Variants in TBC1D5 observed in about 807,000 individuals in gnomAD.
TBC1D5 encodes TBC1 domain family member 5.
Under a neutral mutation model 100.3 loss-of-function variants are expected in TBC1D5, and 75 were observed. The ratio of observed to expected loss-of-function variants is 0.75; its 90% CI spans 0.62 to 0.91. The LOEUF (loss-of-function observed/expected upper bound fraction) is 0.91. TBC1D5 is among the 40% of genes least tolerant of loss of function. The probability of loss-of-function intolerance (pLI) is 0.00; values close to 1 mark genes in which losing one functional copy is unlikely to be tolerated. For synonymous variants in TBC1D5, 323 were observed against 325.6 expected (o/e 0.99, Z 0.09); for missense variants, 910 against 942.4 (o/e 0.97, Z 0.45).
chr3:17,447,958 T>G (rs1178431889), intron 3 of TBC1D5, among the ~76,000 whole-genome samples: 1 of 152,204 alleles, frequency 6.6e-6, no homozygotes, highest in Non-Finnish European at 1.5e-5. Context: ...ACTGCTAAAT[T>G]ATCATTTTCT....
At chr3:17,343,000 T>G (rs1262019388) in intron 13 of TBC1D5, among the ~76,000 whole-genome samples, 1 of 152,122 alleles carries the variant, frequency 6.6e-6, no homozygotes, top group African/African-American at 2.4e-5. Flanking sequence ...CTTCCAACAC[T>G]ATGTTGAATA....
At chr3:17,393,118 G>GTTTTTTTTTTTTTT (rs34958195) in intron 8 of TBC1D5, among the ~76,000 whole-genome samples, 1 of 149,152 alleles carries the variant, frequency 6.7e-6, no homozygotes, top group African/African-American at 2.5e-5. Flanking sequence ...TGATGATGAG[G>GTTTTTTTTTTTTTT]TTTTTTTTTT....
At chr3:17,643,047 CTTT>C (rs36047631) in intron 1 of TBC1D5, among the ~76,000 whole-genome samples, 1 of 152,002 alleles carries the variant, frequency 6.6e-6, no homozygotes, top group Admixed American at 6.6e-5. Context: ...CCACTAATGA[CTTT>C]TTTTGATTCC....
At chr3:17,277,387 T>G (rs1437794262) in intron 15 of TBC1D5, among the ~76,000 whole-genome samples, 1 of 152,184 alleles carries the variant, frequency 6.6e-6, no homozygotes, top group Non-Finnish European at 1.5e-5. Flanking sequence ...TTCACATGGG[T>G]GGCACATAGT....
At chr3:17,563,805 C>G (rs552484126) in intron 2 of TBC1D5, among the ~76,000 whole-genome samples, 1 of 151,892 alleles carries the variant, frequency 6.6e-6, no homozygotes, top group African/African-American at 2.4e-5. Context: ...TTTTTTGAGA[C>G]GGAGTCTCCC....
At position 17,450,140 on chromosome 3, in the gene TBC1D5, G is replaced by T. The variant is rs375997685; in HGVS notation, c.98-21621C>A. Among the ~76,000 whole-genome samples the T allele has an allele frequency of 3.6e-3, 548 of 152,268 alleles. 4 individuals are homozygous for T. Among genetic ancestry groups the T allele is most frequent in the South Asian group, 0.027 (130 of 4,824 alleles). On this transcript the variant is annotated intron_variant, in intron 3 of 21. Coordinates refer to ENST00000253692, the Ensembl canonical transcript of TBC1D5. ...ACTCCAGCAGAATTGCAGAAGAGGG[G>T]CCTGACTGTTAGAAAGTAAACTAAC...
chr3:17,168,941 C>T lies in TBC1D5; in HGVS notation c.1853-1113G>A, dbSNP rs140025611. ...ACCACTCCTCACTTGCTCAATGCCCCGCATCGGCAGAGGCAGAACCAGTGC... is the reference window on the plus strand; with the variant it reads ...ACCACTCCTCACTTGCTCAATGCCCTGCATCGGCAGAGGCAGAACCAGTGC... On this transcript the variant is annotated intron_variant, in intron 19 of 21. Coordinates refer to ENST00000253692, the Ensembl canonical transcript of TBC1D5. Among the ~76,000 whole-genome samples, 720 of 152,288 alleles carry T rather than the reference C, an allele frequency of 4.7e-3. 5 individuals are homozygous for T. Among genetic ancestry groups the T allele is most frequent in the African/African-American group, 0.016 (672 of 41,554 alleles).
intron 3 of TBC1D5, among the ~76,000 whole-genome samples, chr3:17,438,435 G>A (rs752098288): frequency 6.6e-5 from 10 of 152,054 alleles, no homozygotes; most frequent in Non-Finnish European, 1.2e-4. Context: ...CATGGGGGTG[G>A]TTTTCCCCAT....
intron 13 of TBC1D5, among the ~76,000 whole-genome samples, chr3:17,346,720 A>C (rs751509881): frequency 6.6e-6 from 1 of 152,148 alleles, no homozygotes; most frequent in Non-Finnish European, 1.5e-5. Flanking sequence ...TTTCACGTTT[A>C]ATTCTTACAT....
intron 17 of TBC1D5, among the ~76,000 whole-genome samples, chr3:17,214,669 A>G (rs1268169456): frequency 4.6e-5 from 7 of 152,136 alleles, no homozygotes; most frequent in Admixed American, 4.6e-4. Flanking sequence ...AGTTTCAGTA[A>G]ACAATGGTTA....
chr3:17,203,591 C>T lies in TBC1D5; in HGVS notation c.1752+10616G>A, dbSNP rs1277334016. Among the ~76,000 whole-genome samples, 5 of 152,236 alleles carry T rather than the reference C, an allele frequency of 3.3e-5. No homozygotes were observed. The East Asian group carries it at 9.7e-4, about 29-fold the overall frequency. ...TGTAATCCTCTGAGTTGGAGGAGGGCCTGGTGGGAGGTGACTGGATCATGA... is the reference window on the plus strand; with the variant it reads ...TGTAATCCTCTGAGTTGGAGGAGGGTCTGGTGGGAGGTGACTGGATCATGA... On this transcript the variant is annotated intron_variant, in intron 18 of 21. Coordinates refer to ENST00000253692, the Ensembl canonical transcript of TBC1D5.
At chr3:17,490,504 G>C (rs2095625684) in intron 3 of TBC1D5, among the ~76,000 whole-genome samples, 1 of 152,038 alleles carries the variant, frequency 6.6e-6, no homozygotes. Flanking sequence ...GTTAATTTTT[G>C]TATAAGGTGT....
intron 18 of TBC1D5, among the ~76,000 whole-genome samples, chr3:17,201,951 T>C (rs1248831140): frequency 6.6e-6 from 1 of 152,200 alleles, no homozygotes; most frequent in African/African-American, 2.4e-5. Context: ...GCTACAAAGA[T>C]ACTTGAAAAT....
intron 8 of TBC1D5, among the ~76,000 whole-genome samples, chr3:17,397,722 G>A (rs2093546169): frequency 6.6e-6 from 1 of 151,966 alleles, no homozygotes; most frequent in Non-Finnish European, 1.5e-5. Flanking sequence ...ATACAAGTAA[G>A]AAAAAGAATA....
intron 2 of TBC1D5, among the ~76,000 whole-genome samples, chr3:17,542,785 A>G (rs1051514273): frequency 1.3e-5 from 2 of 152,204 alleles, no homozygotes; most frequent in Non-Finnish European, 1.5e-5. Flanking sequence ...AAGATGAATC[A>G]TCCTTGCATT....
intron 2 of TBC1D5, among the ~76,000 whole-genome samples, chr3:17,516,530 T>C (rs1290581624): frequency 6.6e-6 from 1 of 152,218 alleles, no homozygotes; most frequent in Non-Finnish European, 1.5e-5. Flanking sequence ...ACCAACCTTA[T>C]TAAGCAATCC....
At chr3:17,542,999 T>A (rs1238337271) in intron 2 of TBC1D5, among the ~76,000 whole-genome samples, 1 of 152,192 alleles carries the variant, frequency 6.6e-6, no homozygotes, top group Non-Finnish European at 1.5e-5. Flanking sequence ...ATATTACACA[T>A]AGAATTTTTT....
intron 2 of TBC1D5, among the ~76,000 whole-genome samples, chr3:17,544,240 G>A (rs1039572620): frequency 1.3e-5 from 2 of 152,278 alleles, no homozygotes; most frequent in African/African-American, 4.8e-5. Flanking sequence ...CTTTGAGAAC[G>A]ACTGTTGTAG....
At chr3:17,684,657 T>A (rs2069996146) in intron 1 of TBC1D5, among the ~76,000 whole-genome samples, 1 of 152,016 alleles carries the variant, frequency 6.6e-6, no homozygotes, top group Non-Finnish European at 1.5e-5. Context: ...CACAAGAGAA[T>A]TATTAACTAA....
Sources: gnomAD v4.1 joint callset for allele counts (sites outside exome capture counted in the v4.1 genomes callset) on GRCh38, gnomAD v4.1.1 for gene constraint, MANE v1.5 for transcripts, NCBI Gene and HGNC (gene_info 2026-07-23, HGNC 2026-07-21) for gene names.